Variants in ITGAL observed in about 807,000 individuals in gnomAD.
ITGAL encodes the protein integrin subunit alpha L, also known as integrin alpha-L.
ITGAL carries 68 observed loss-of-function variants against 138.4 expected under a neutral mutation model. The ratio of observed to expected loss-of-function variants is 0.49; its 90% CI spans 0.40 to 0.60. The LOEUF (loss-of-function observed/expected upper bound fraction) is 0.60. Ranked by LOEUF, ITGAL falls within the 20% of genes least tolerant of loss-of-function variation. ITGAL has a pLI of 0.00. For missense variants in ITGAL, 1,256 were observed against 1,478.6 expected, an observed-to-expected ratio of 0.85 and a Z score of 2.47; for synonymous variants, 561 against 584.3, an observed-to-expected ratio of 0.96 and a Z score of 0.57.
In ITGAL at chr16:30,484,207, T is replaced by A; in HGVS notation, c.950T>A (p.Phe317Tyr). 1 of 1,614,034 alleles carries A rather than the reference T, an allele frequency of 6.2e-7. No individual in the cohort carries two copies. The highest frequency in any genetic ancestry group is 2.2e-5 in the East Asian group (1 of 44,874). Reference protein sequence around the residue: ...ASEFVKILDTFEKLKDLFTEL... With the variant: ...ASEFVKILDTYEKLKDLFTEL... ...GAGTTTGTGAAAATTCTGGACACAT[T>A]TGAGAAGCTGAAAGATCTATTCACT... The change falls in exon 9 of 31, where the codon TTT (phenylalanine) becomes TAT (tyrosine). Residue 317 changes from phenylalanine to tyrosine, a missense_variant. By Grantham distance (22) the Phe-to-Tyr change is conservative. Coordinates refer to ENST00000356798, the MANE Select transcript of ITGAL (RefSeq NM_002209.3).
chr16:30,491,573 C>T (rs1001847340), intron 11 of ITGAL, among the ~76,000 whole-genome samples: 2 of 152,010 alleles, frequency 1.3e-5, no homozygotes, highest in South Asian at 2.1e-4. Flanking sequence ...TAGCACTAAG[C>T]ATTTTATATA....
At chr16:30,475,199 T>C in intron 2 of ITGAL, 107 bp from the exon 3 acceptor site, 2 of 825,158 alleles carry the variant, frequency 2.4e-6, no homozygotes, top group Non-Finnish European at 4.0e-6. Context: ...GGGGAATGGC[T>C]GCAGTGCTTG....
In ITGAL at chr16:30,472,813, C is replaced by T. The variant is rs1395095243; in HGVS notation, c.-25C>T. The T allele has an allele frequency of 1.9e-6, 3 of 1,610,210 alleles. No homozygotes were observed. The African/African-American group carries it at 4.0e-5, about 22-fold the overall frequency. Reference sequence around the variant, plus strand: ...GGCCTCCTGACGCTGCCCCTGGGGCCACAGGTCCCTCGAGTGCTGGAAGGA... The same window carrying T: ...GGCCTCCTGACGCTGCCCCTGGGGCTACAGGTCCCTCGAGTGCTGGAAGGA... On this transcript the variant is annotated 5_prime_UTR_variant, in exon 1 of 31. Transcript: ENST00000356798.
At chr16:30,508,774 G>A (rs1426755940) in intron 21 of ITGAL, among the ~76,000 whole-genome samples, 2 of 152,022 alleles carry the variant, frequency 1.3e-5, no homozygotes, top group South Asian at 2.1e-4. Flanking sequence ...TGGGTGGATC[G>A]CTGGAGTCCA....
Position 30,472,771 on chromosome 16 carries a change from T to C in ITGAL, c.-67T>C. ...TTTTCCTCTTTCACCCTGTCTAGGTTGCCAGCAAATCCCACGGGCCTCCTG... is the reference window on the plus strand; with the variant it reads ...TTTTCCTCTTTCACCCTGTCTAGGTCGCCAGCAAATCCCACGGGCCTCCTG... On this transcript the variant is annotated 5_prime_UTR_variant, in exon 1 of 31. Coordinates refer to ENST00000356798, the MANE Select transcript of ITGAL (RefSeq NM_002209.3). 1 of 1,434,264 alleles carries C rather than the reference T, an allele frequency of 7.0e-7. No homozygotes were observed. 88.8% of individuals were successfully genotyped at this position (1,434,264 alleles called of 1,614,324 possible).
chr16:30,476,067 G>A (rs1430398563), intron 4 of ITGAL, among the ~76,000 whole-genome samples: 1 of 151,888 alleles, frequency 6.6e-6, no homozygotes, highest in Non-Finnish European at 1.5e-5. Flanking sequence ...TGGCTAACAC[G>A]GTGAAACCCC....
At chr16:30,507,468 C>CAAAAAAAAAAAAAAAAAA (rs986162500) in intron 21 of ITGAL, among the ~76,000 whole-genome samples, 1 of 108,522 alleles carries the variant, frequency 9.2e-6, no homozygotes, top group African/African-American at 3.3e-5. Context: ...AAAAAAAAAA[C>CAAAAAAAAAAAAAAAAAA]AAAAAAAAAA....
chr16:30,474,342 G>A (rs1309816378), intron 2 of ITGAL, 44 bp downstream of exon 2: 1 of 1,433,424 alleles, frequency 7.0e-7, no homozygotes. Flanking sequence ...CCCGCCCTGG[G>A]GCAGCCCCCG....
intron 9 of ITGAL, among the ~76,000 whole-genome samples, chr16:30,484,834 G>A (rs572350768): frequency 5.7e-4 from 87 of 151,768 alleles, no homozygotes; most frequent in African/African-American, 1.9e-3. Context: ...CAGGAGAATC[G>A]CTTGAACCCA....
intron 15 of ITGAL, among the ~76,000 whole-genome samples, chr16:30,497,644 T>A (rs2050822074): frequency 6.6e-6 from 1 of 151,650 alleles, no homozygotes. Flanking sequence ...GCCCTGCTAA[T>A]TTTTTTGTAT....
At chr16:30,499,705 A>G (rs2050858597) in intron 17 of ITGAL, among the ~76,000 whole-genome samples, 1 of 85,966 alleles carries the variant, frequency 1.2e-5, no homozygotes, top group African/African-American at 4.5e-5. Context: ...ATGTGTATAT[A>G]TATATATGTA....
At chr16:30,499,711 A>ATATATGTGTATATATATATATG (rs1555507156) in intron 17 of ITGAL, among the ~76,000 whole-genome samples, 1 of 93,828 alleles carries the variant, frequency 1.1e-5, no homozygotes, top group Non-Finnish European at 1.9e-5. Flanking sequence ...ATATATATAT[A>ATATATGTGTATATATATATATG]TGTATATATA....
At chr16:30,516,934 T>C in intron 25 of ITGAL, 39 bp from the exon 26 acceptor site, 1 of 1,430,810 alleles carries the variant, frequency 7.0e-7, no homozygotes, top group Non-Finnish European at 9.9e-7. Context: ...CTGGGGTGGC[T>C]GGCATTCAGG....
At chr16:30,491,116 C>A (rs2050718617) in intron 11 of ITGAL, among the ~76,000 whole-genome samples, 2 of 151,004 alleles carry the variant, frequency 1.3e-5, no homozygotes, top group African/African-American at 4.9e-5. Context: ...AAAATTTAAT[C>A]TCTAGCTGGG....
In ITGAL at chr16:30,505,284, A is replaced by C; in HGVS notation, c.2276A>C (p.His759Pro). The C allele has an allele frequency of 6.2e-7, 1 of 1,612,524 alleles. No individual in the cohort carries two copies. The highest frequency in any genetic ancestry group is 8.5e-7 in the Non-Finnish European group (1 of 1,179,368). Residue 759 changes from histidine to proline, a missense_variant, in exon 19 of 31, where the codon CAC becomes CCC. Around this residue, in one of 3 missense-constraint regions of ITGAL, gnomAD observed 867 missense variants for 972.5 expected, o/e 0.89. Coordinates refer to ENST00000356798, the MANE Select transcript of ITGAL (RefSeq NM_002209.3). ...DIPPILRPSL[H>P]SETWEIPFEK... ...CCGCCCATCCTGAGACCCTCCCTGC[A>C]CTCGGAAACCTGGGAGGTAAGAGGG...
At chr16:30,491,065 G>T (rs765655122) in intron 11 of ITGAL, among the ~76,000 whole-genome samples, 4 of 151,452 alleles carry the variant, frequency 2.6e-5, no homozygotes, top group Non-Finnish European at 5.9e-5. Context: ...AGCCTGGGAG[G>T]TTAAGGTTGC....
chr16:30,522,036 C>T lies in ITGAL; in HGVS notation c.*371C>T, dbSNP rs1217245917. On this transcript the variant is annotated 3_prime_UTR_variant, in exon 31 of 31. Coordinates refer to ENST00000356798, the MANE Select transcript of ITGAL (RefSeq NM_002209.3). The surrounding 1 kb of genome is among the most constrained non-coding windows in gnomAD (Gnocchi z 4.0). ...CCTGGGATGTCCACAGATGCCTCCA[C>T]CCCCCAGAACCTGTCCTTGCACACT... 1.4e-5 allele frequency: 3 copies of T among 209,082 alleles called. No homozygotes were observed. The highest frequency in any genetic ancestry group is 1.2e-4 in the East Asian group (1 of 8,286). The allele number at this position is 209,082 out of a possible 1,614,324, so 13.0% of individuals were successfully genotyped here.
At chr16:30,498,771 C>T (rs904895212) in intron 15 of ITGAL, 7 of 262,150 alleles carry the variant, frequency 2.7e-5, no homozygotes, top group African/African-American at 1.5e-4. Flanking sequence ...TGTGGTGGCA[C>T]ATGCCTGTGG....
chr16:30,517,077 C>T lies in ITGAL; in HGVS notation c.2967C>T (p.Ser989=), dbSNP rs79082570. The change falls in exon 26 of 31, where the codon AGC becomes AGT. Residue 989 remains serine (S), a synonymous_variant. Coordinates refer to ENST00000356798, the MANE Select transcript of ITGAL (RefSeq NM_002209.3). ...PSEGPITHQW[S]VQMEPPVPCH... ...AGGGGCCCATCACACACCAGTGGAG[C>T]GTGCAGATGGTGAGTGCTGCCTGTA... The T allele has an allele frequency of 2.5e-6, 4 of 1,604,040 alleles. No homozygotes were observed. Among genetic ancestry groups the T allele is most frequent in the South Asian group, 2.2e-5 (2 of 90,448 alleles).
Sources: allele counts gnomAD v4.1 joint callset (sites outside exome capture counted in the v4.1 genomes callset), GRCh38; gene constraint gnomAD v4.1.1; regional missense constraint gnomAD v4.1.1; non-coding constraint Gnocchi (gnomAD v3.1); transcripts MANE v1.5; gene names NCBI Gene and HGNC (gene_info 2026-07-23, HGNC 2026-07-21).